DENND1A: variants seen among roughly 807,000 people sequenced by gnomAD.
DENND1A encodes the protein DENN domain-containing protein 1A.
A neutral mutation model predicts 113.7 loss-of-function variants in DENND1A; 51 were observed. The observed-to-expected ratio is 0.45, with a 90% CI of 0.36 to 0.57. The LOEUF (loss-of-function observed/expected upper bound fraction) is 0.57. Ranked by LOEUF, DENND1A falls within the 20% of genes least tolerant of loss-of-function variation. The pLI, the probability that DENND1A is intolerant of heterozygous loss-of-function variation, is 0.00. For synonymous variants in DENND1A, 565 were observed against 570.8 expected (o/e 0.99, Z 0.14); for missense variants, 1,258 against 1,395.9 (o/e 0.90, Z 1.57).
At chr9:123,399,687 G>A (rs186602468) in intron 21 of DENND1A, among the ~76,000 whole-genome samples, 3 of 152,348 alleles carry the variant, frequency 2.0e-5, no homozygotes, top group Middle Eastern at 3.4e-3. Flanking sequence ...AGCCAGAGAG[G>A]AAGGGTGGCC....
At chr9:123,889,347 TA>T (rs1357437523) in intron 1 of DENND1A, among the ~76,000 whole-genome samples, 1 of 152,166 alleles carries the variant, frequency 6.6e-6, no homozygotes, top group Non-Finnish European at 1.5e-5. Context: ...CTTTGTAAAC[TA>T]AAAGATGTTA....
At chr9:123,408,535 A>C (rs2044063659) in intron 20 of DENND1A, among the ~76,000 whole-genome samples, 1 of 152,174 alleles carries the variant, frequency 6.6e-6, no homozygotes, top group Admixed American at 6.5e-5. Flanking sequence ...ATCCTGCCTA[A>C]GGTCGCACAG....
chr9:123,828,198 T>C (rs892969950), intron 2 of DENND1A, among the ~76,000 whole-genome samples: 1 of 152,000 alleles, frequency 6.6e-6, no homozygotes, highest in African/African-American at 2.4e-5. Flanking sequence ...GAAGAAAGTT[T>C]AAAAAGATTG....
chr9:123,646,498 C>A (rs2062338521), intron 9 of DENND1A, among the ~76,000 whole-genome samples: 1 of 152,060 alleles, frequency 6.6e-6, no homozygotes, highest in Non-Finnish European at 1.5e-5. Context: ...ATAATAGATG[C>A]AGGAGAGAAG....
chr9:123,836,342 G>A (rs1381096528), intron 2 of DENND1A, among the ~76,000 whole-genome samples: 1 of 152,100 alleles, frequency 6.6e-6, no homozygotes, highest in African/African-American at 2.4e-5. Context: ...CAAGACTGAA[G>A]GAAATCAGGG....
At position 123,381,959 on chromosome 9, in the gene DENND1A, C is replaced by A; in HGVS notation, c.2686G>T (p.Val896Phe). 2 of 1,463,996 alleles carry A rather than the reference C, an allele frequency of 1.4e-6. No individual in the cohort carries two copies. The highest frequency in any genetic ancestry group is 1.8e-6 in the Non-Finnish European group (2 of 1,109,906). The allele number at this position is 1,463,996 out of a possible 1,614,324, so 90.7% of individuals were successfully genotyped here. A position where few individuals can be genotyped will look rare whatever the true frequency, so the allele number is the denominator to read the frequency against. The stretch of plus-strand genomic sequence containing the variant: ...GGTGGGGCTGCTGGCATGGATGGGA[C>A]AAAGGGGTTGAGTGGTGGCTGTGGG... Reference protein sequence around the residue: ...PFPQPPLNPFVPSMPAAPPTL... With the variant: ...PFPQPPLNPFFPSMPAAPPTL... The change falls in exon 24 of 24, where the codon GTC becomes TTC. Residue 896 changes from valine (V) to phenylalanine (F), a missense_variant. Val to Phe is a conservative substitution (Grantham distance 50). Transcript: ENST00000394215. This position sits in a 1 kb window ranked among gnomAD's most constrained non-coding sequence, Gnocchi z 4.7.
chr9:123,645,800 C>G (rs1187219112), intron 9 of DENND1A, among the ~76,000 whole-genome samples: 1 of 152,248 alleles, frequency 6.6e-6, no homozygotes, highest in East Asian at 1.9e-4. Context: ...CACCATTCTT[C>G]TTACACCCTT....
intron 13 of DENND1A, among the ~76,000 whole-genome samples, chr9:123,551,657 G>C (rs1378184706): frequency 6.6e-6 from 1 of 152,208 alleles, no homozygotes; most frequent in African/African-American, 2.4e-5. Context: ...GACCCTGTGG[G>C]AGGCCACTGA....
intron 5 of DENND1A, among the ~76,000 whole-genome samples, chr9:123,711,513 G>A (rs4836943): frequency 0.029 from 3,458 of 118,834 alleles, 63 homozygotes; most frequent in African/African-American, 0.058. Context: ...ATGTATATAT[G>A]TATATATATA....
At chr9:123,642,617 TTC>T (rs1183586605) in intron 9 of DENND1A, among the ~76,000 whole-genome samples, 2 of 152,236 alleles carry the variant, frequency 1.3e-5, no homozygotes, top group Non-Finnish European at 2.9e-5. Context: ...AGTCTTAGAA[TTC>T]TCTGTTTGGT....
At chr9:123,743,744 A>T (rs1040164944) in intron 5 of DENND1A, among the ~76,000 whole-genome samples, 1 of 151,728 alleles carries the variant, frequency 6.6e-6, no homozygotes, top group African/African-American at 2.4e-5. Context: ...AAAAAAAAAT[A>T]AAAAATAAAA....
intron 13 of DENND1A, among the ~76,000 whole-genome samples, chr9:123,489,677 T>C (rs1473686780): frequency 3.3e-5 from 5 of 152,208 alleles, no homozygotes; most frequent in Admixed American, 6.5e-5. Flanking sequence ...AAGTTTCTTT[T>C]ATTAATAGGT....
Position 123,761,128 on chromosome 9 carries a change from C to T in DENND1A, c.183-3306G>A, listed in dbSNP as rs968383061. 3.9e-5 allele frequency among the ~76,000 whole-genome samples: 6 copies of T among 152,268 alleles called. No homozygotes were observed. In the East Asian group the frequency reaches 5.8e-4, roughly 15 times the overall value. ...ATTAATTTCCTACTCTCTTTTTATT[C>T]CTATTAAAAATGCTGGAAATGTGTT... On this transcript the variant is annotated intron_variant, in intron 4 of 23. Transcript: ENST00000394215.
At chr9:123,539,409 A>T (rs1027898415) in intron 13 of DENND1A, among the ~76,000 whole-genome samples, 1 of 152,210 alleles carries the variant, frequency 6.6e-6, no homozygotes, top group Non-Finnish European at 1.5e-5. Context: ...ATATATTTTT[A>T]AAACAGAAAA....
At chr9:123,679,783 G>A (rs1225234850) in intron 5 of DENND1A, among the ~76,000 whole-genome samples, 3 of 152,200 alleles carry the variant, frequency 2.0e-5, no homozygotes, top group South Asian at 2.1e-4. Context: ...TCCAGTCTGC[G>A]TGTGTCTGTC....
intron 8 of DENND1A, among the ~76,000 whole-genome samples, chr9:123,654,915 A>G (rs939891500): frequency 6.6e-6 from 1 of 152,040 alleles, no homozygotes; most frequent in African/African-American, 2.4e-5. Flanking sequence ...TGCAGGGAGC[A>G]CTCGCAGTTC....
At chr9:123,705,480 G>T (rs943715952) in intron 5 of DENND1A, among the ~76,000 whole-genome samples, 1 of 151,972 alleles carries the variant, frequency 6.6e-6, no homozygotes, top group African/African-American at 2.4e-5. Context: ...TTAGGTAGCT[G>T]GGCAAAAGAT....
intron 5 of DENND1A, among the ~76,000 whole-genome samples, chr9:123,711,486 A>AAAATATATATATATATTTATATATGT (rs1318894625): frequency 9.8e-6 from 1 of 101,790 alleles, no homozygotes; most frequent in African/African-American, 3.7e-5. Flanking sequence ...TAAATTAAAA[A>AAAATATATATATATATTTATATATGT]ATATATATAT....
chr9:123,536,394 CG>C (rs1226878397), intron 13 of DENND1A, among the ~76,000 whole-genome samples: 5 of 148,916 alleles, frequency 3.4e-5, no homozygotes, highest in African/African-American at 1.2e-4. Context: ...TGCTTGAACC[CG>C]GGAGGCAGAA....
Sources: gnomAD v4.1 joint callset for allele counts (sites outside exome capture counted in the v4.1 genomes callset) on GRCh38, gnomAD v4.1.1 for gene constraint, Gnocchi (gnomAD v3.1) non-coding constraint, MANE v1.5 for transcripts, NCBI Gene and HGNC (gene_info 2026-07-23, HGNC 2026-07-21) for gene names.